CDHR3: variants seen among roughly 807,000 people sequenced by gnomAD.
CDHR3 encodes the protein cadherin related family member 3.
In CDHR3, 79 loss-of-function variants were observed where a neutral mutation model predicts 86.6. The ratio of observed to expected loss-of-function variants is 0.91; its 90% CI spans 0.76 to 1.10. The LOEUF is 1.10. Among genes scored for constraint, CDHR3 ranks in the 50% least tolerant of loss-of-function variants. CDHR3 has a pLI of 0.00. For synonymous variants in CDHR3, 421 were observed against 402.4 expected (o/e 1.05, Z -0.55); for missense variants, 1,081 against 1,077.6 (o/e 1.00, Z -0.04).
intron 6 of CDHR3, among the ~76,000 whole-genome samples, chr7:106,000,400 C>T (rs1258643616): frequency 6.6e-6 from 1 of 152,214 alleles, no homozygotes; most frequent in Non-Finnish European, 1.5e-5. Flanking sequence ...TTTCTCCTTC[C>T]TCTGGCCCTA....
intron 8 of CDHR3, among the ~76,000 whole-genome samples, chr7:106,009,401 C>T (rs1208753564): frequency 6.6e-6 from 1 of 152,238 alleles, no homozygotes; most frequent in Non-Finnish European, 1.5e-5. Flanking sequence ...TCCTCCCAGC[C>T]TTATACCTTC....
chr7:106,015,774 C>T (rs774374820), intron 10 of CDHR3, 153 bp from the exon 11 acceptor site: 3 of 686,900 alleles, frequency 4.4e-6, no homozygotes, highest in East Asian at 2.7e-5. Flanking sequence ...GGGTGAACAC[C>T]CTCGGCATCT....
chr7:105,991,319 G>A (rs141461061), intron 4 of CDHR3, among the ~76,000 whole-genome samples: 1 of 151,828 alleles, frequency 6.6e-6, no homozygotes, highest in Non-Finnish European at 1.5e-5. Context: ...TCCTCTCTAA[G>A]TACAAAACTG....
At chr7:105,975,530 C>T (rs571212320) in intron 2 of CDHR3, among the ~76,000 whole-genome samples, 8 of 152,266 alleles carry the variant, frequency 5.3e-5, no homozygotes, top group African/African-American at 1.9e-4. Context: ...TCTAAATGTC[C>T]AGCCCTACCA....
chr7:106,029,127 G>A (rs992470097), intron 17 of CDHR3, among the ~76,000 whole-genome samples: 1 of 151,872 alleles, frequency 6.6e-6, no homozygotes, highest in African/African-American at 2.4e-5. Context: ...TTACAGACAC[G>A]TGCCACCACG....
Position 105,963,265 on chromosome 7 carries a change from G to A in CDHR3, c.-54G>A, listed in dbSNP as rs1226628355. On this transcript the variant is annotated 5_prime_UTR_variant, in exon 1 of 19. Coordinates refer to ENST00000317716, the MANE Select transcript of CDHR3 (RefSeq NM_152750.5). ...TGGAATAAACTTTGGGTGTGAGACGGGATTCAGGCTGTGGCTAATGTGCTG... is the reference window on the plus strand; with the variant it reads ...TGGAATAAACTTTGGGTGTGAGACGAGATTCAGGCTGTGGCTAATGTGCTG... The A allele has an allele frequency of 6.3e-7, 1 of 1,580,222 alleles. No homozygotes were observed. Among genetic ancestry groups the A allele is most frequent in the East Asian group, 2.2e-5 (1 of 44,640 alleles).
chr7:105,994,939 G>T, intron 5 of CDHR3, 94 bp downstream of exon 5: 5 of 993,550 alleles, frequency 5.0e-6, no homozygotes, highest in South Asian at 1.4e-5. Flanking sequence ...AGGGCAGCTG[G>T]GGGGAGCCCC....
At chr7:106,020,351 G>T in intron 12 of CDHR3, 22 bp from the exon 13 acceptor site, 2 of 1,573,800 alleles carry the variant, frequency 1.3e-6, no homozygotes, top group South Asian at 2.3e-5. Context: ...TATTGAGAAT[G>T]ACCACCTTCT....
intron 3 of CDHR3, among the ~76,000 whole-genome samples, chr7:105,983,439 C>T (rs748514431): frequency 1.3e-5 from 2 of 152,106 alleles, no homozygotes; most frequent in Non-Finnish European, 2.9e-5. Context: ...AAATACAATA[C>T]CTGCTTTATA....
chr7:106,020,550 G>A lies in CDHR3; in HGVS notation c.1825+6G>A, dbSNP rs759502915. 15 of 1,609,650 alleles carry A rather than the reference G, an allele frequency of 9.3e-6. No homozygotes were observed. The South Asian group carries it at 1.7e-4, about 18-fold the overall frequency. On this transcript the variant is annotated splice_donor_region_variant and intron_variant, in intron 13 of 18. Transcript: ENST00000317716. ...CCGTTATTCCATTGGCCCAGGTATAGTACTTGGTGTCGACAATCCTGGCCC... is the reference window on the plus strand; with the variant it reads ...CCGTTATTCCATTGGCCCAGGTATAATACTTGGTGTCGACAATCCTGGCCC...
intron 9 of CDHR3, among the ~76,000 whole-genome samples, chr7:106,013,857 T>C (rs1438956765): frequency 6.6e-6 from 1 of 152,256 alleles, no homozygotes; most frequent in Admixed American, 6.5e-5. Flanking sequence ...AGCATCACCA[T>C]TCACTGATAA....
chr7:106,013,258 T>C (rs1835086890), intron 9 of CDHR3, among the ~76,000 whole-genome samples: 1 of 152,230 alleles, frequency 6.6e-6, no homozygotes, highest in Admixed American at 6.5e-5. Context: ...GAGGACTGGA[T>C]TCTTCCTTGC....
chr7:106,012,077 T>G (rs1247821724), intron 8 of CDHR3, among the ~76,000 whole-genome samples: 1 of 152,250 alleles, frequency 6.6e-6, no homozygotes, highest in Non-Finnish European at 1.5e-5. Flanking sequence ...TTCTCTTCTA[T>G]TCTTCTTCAC....
intron 2 of CDHR3, among the ~76,000 whole-genome samples, 176 bp from the exon 3 acceptor site, chr7:105,980,789 TATC>T (rs951931948): frequency 3.9e-5 from 6 of 152,054 alleles, no homozygotes; most frequent in African/African-American, 1.4e-4. Context: ...TTTAGTGAAG[TATC>T]ATAGGGCTTA....
chr7:106,003,591 G>A (rs1833509767), intron 7 of CDHR3, among the ~76,000 whole-genome samples: 1 of 152,152 alleles, frequency 6.6e-6, no homozygotes, highest in African/African-American at 2.4e-5. Context: ...TCATGAAGCA[G>A]AAGTACCAAC....
intron 2 of CDHR3, among the ~76,000 whole-genome samples, chr7:105,977,707 C>A (rs1829048234): frequency 6.6e-6 from 1 of 152,206 alleles, no homozygotes; most frequent in South Asian, 2.1e-4. Flanking sequence ...ATGAAAATCT[C>A]CATGGCAGAA....
At chr7:106,023,771 T>C (rs1836937024) in intron 14 of CDHR3, among the ~76,000 whole-genome samples, 1 of 152,222 alleles carries the variant, frequency 6.6e-6, no homozygotes, top group African/African-American at 2.4e-5. Flanking sequence ...AGGACTTTCC[T>C]TGTGGGAGGA....
At chr7:105,991,797 C>T (rs1311510778) in intron 4 of CDHR3, among the ~76,000 whole-genome samples, 1 of 152,148 alleles carries the variant, frequency 6.6e-6, no homozygotes, top group Non-Finnish European at 1.5e-5. Flanking sequence ...AAATGAAGCC[C>T]TTTCCCTCAT....
intron 1 of CDHR3, 64 bp downstream of exon 1, chr7:105,963,428 G>C (rs1291500115): frequency 1.3e-6 from 2 of 1,528,870 alleles, no homozygotes; most frequent in Non-Finnish European, 1.8e-6. Flanking sequence ...ACCATTGAAT[G>C]ACAATGTCCC....
Sources: allele counts gnomAD v4.1 joint callset (sites outside exome capture counted in the v4.1 genomes callset), GRCh38; gene constraint gnomAD v4.1.1; transcripts MANE v1.5; gene names NCBI Gene and HGNC (gene_info 2026-07-23, HGNC 2026-07-21).